The following ANTXR2 variants were observed in gnomAD, a reference collection of about 807,000 sequenced individuals.
ANTXR2 encodes the protein anthrax toxin receptor 2.
In ANTXR2, 44 loss-of-function variants were observed where a neutral mutation model predicts 73.7. The observed-to-expected ratio is 0.60, with a 90% CI of 0.47 to 0.77. ANTXR2 has a LOEUF of 0.77. Among genes scored for constraint, ANTXR2 ranks in the 30% least tolerant of loss-of-function variants. The probability of loss-of-function intolerance (pLI) is 0.00; values close to 1 mark genes in which losing one functional copy is unlikely to be tolerated. For synonymous variants in ANTXR2, 217 were observed against 205.9 expected, an observed-to-expected ratio of 1.05 and a Z score of -0.46; for missense variants, 604 against 592.5, an observed-to-expected ratio of 1.02 and a Z score of -0.20.
At chr4:79,980,850 A>G (rs1729855567) in intron 14 of ANTXR2, among the ~76,000 whole-genome samples, 1 of 151,966 alleles carries the variant, frequency 6.6e-6, no homozygotes, top group Non-Finnish European at 1.5e-5. Context: ...TTAGCTATAA[A>G]AATGTGTTCT....
chr4:79,918,310 A>C (rs1727434702), intron 16 of ANTXR2, among the ~76,000 whole-genome samples: 1 of 152,082 alleles, frequency 6.6e-6, no homozygotes, highest in African/African-American at 2.4e-5. Context: ...AAATGCTCAG[A>C]ACTTCCTAGA....
In ANTXR2 at chr4:79,978,114, C is replaced by A; in HGVS notation, c.1240G>T (p.Ala414Ser). ...GTTTCTTCAGGAATCTTCACCACAG[C>A]ATTTTTGGCTTTCTCTAGCCTTGCA... ...EGARLEKAKN[A>S]VVKIPEETEE... Residue 414 changes from alanine (A) to serine (S), a missense_variant, in exon 15 of 17, where the codon GCT becomes TCT. Transcript: ENST00000403729. 1 of 1,613,924 alleles carries A rather than the reference C, an allele frequency of 6.2e-7. No homozygotes were observed. Among genetic ancestry groups the A allele is most frequent in the Non-Finnish European group, 8.5e-7 (1 of 1,179,864 alleles).
At chr4:80,014,528 T>A (rs1423810711) in intron 11 of ANTXR2, among the ~76,000 whole-genome samples, 1 of 152,088 alleles carries the variant, frequency 6.6e-6, no homozygotes, top group Non-Finnish European at 1.5e-5. Flanking sequence ...CTGGCGTCAC[T>A]GCACTCCAGC....
intron 12 of ANTXR2, among the ~76,000 whole-genome samples, chr4:79,987,972 T>C (rs1329386251): frequency 6.6e-6 from 1 of 151,984 alleles, no homozygotes; most frequent in Non-Finnish European, 1.5e-5. Context: ...AAGGGAGCAC[T>C]AAACATGGAA....
At position 79,907,327 on chromosome 4, in the gene ANTXR2, T is replaced by C; in HGVS notation, c.*102A>G. On this transcript the variant is annotated 3_prime_UTR_variant, in exon 17 of 17. Transcript: ENST00000403729. Reference sequence around the variant, plus strand: ...CGACTGAGAGGAATTAAGCTGCTCTTCCAAAAGCTTCTGAAATGCACTTGA... The same window carrying C: ...CGACTGAGAGGAATTAAGCTGCTCTCCCAAAAGCTTCTGAAATGCACTTGA... The C allele has an allele frequency of 1.5e-6, 2 of 1,299,972 alleles. No homozygotes were observed. The highest frequency in any genetic ancestry group is 2.2e-6 in the Non-Finnish European group (2 of 907,706). The allele number at this position is 1,299,972 out of a possible 1,614,324, so 80.5% of individuals were successfully genotyped here.
At chr4:80,022,166 C>T (rs918393975) in intron 10 of ANTXR2, among the ~76,000 whole-genome samples, 6 of 152,180 alleles carry the variant, frequency 3.9e-5, no homozygotes, top group African/African-American at 1.2e-4. Flanking sequence ...AAATTTCTCT[C>T]ATTAGTATGA....
At chr4:79,915,994 C>T (rs570481235) in intron 16 of ANTXR2, among the ~76,000 whole-genome samples, 20 of 151,932 alleles carry the variant, frequency 1.3e-4, no homozygotes, top group Non-Finnish European at 2.5e-4. Context: ...TCCAATTTTA[C>T]AGTAGAGACC....
At position 80,043,701 on chromosome 4, in the gene ANTXR2, T is replaced by C. The variant is rs138510045; in HGVS notation, c.637-7669A>G. The stretch of plus-strand genomic sequence containing the variant: ...CTGTTTATGTATCCCTCTGGGTTTG[T>C]TTTCAGTTAGCAGCAAGTCCAGATC... On this transcript the variant is annotated intron_variant, in intron 7 of 16. Transcript: ENST00000403729. 1.2e-3 allele frequency among the ~76,000 whole-genome samples: 182 copies of C among 152,088 alleles called. 1 individual carries two copies. Among genetic ancestry groups the C allele is most frequent in the African/African-American group, 4.4e-3 (181 of 41,530 alleles).
intron 16 of ANTXR2, among the ~76,000 whole-genome samples, chr4:79,962,108 T>C (rs774108161): frequency 1.8e-4 from 27 of 152,204 alleles, no homozygotes; most frequent in Non-Finnish European, 3.5e-4. Flanking sequence ...TGCCAACTTA[T>C]ATACCTAATT....
In ANTXR2 at chr4:80,055,426, G is replaced by A; in HGVS notation, c.420C>T (p.Ser140=). 6.2e-7 allele frequency: 1 copy of A among 1,610,944 alleles called. No individual in the cohort carries two copies. The highest frequency in any genetic ancestry group is 2.2e-5 in the East Asian group (1 of 44,794). ...QIQKAGGLKT[S]SIIIALTDGK... ...CATCTGTCAGAGCAATTATGATACT[G>A]GAGGTTTTCAAGCCTCCTGCTTTCT... The change falls in exon 5 of 17, where the codon TCC becomes TCT. Residue 140 remains serine (S), a synonymous_variant. Transcript: ENST00000403729.
At chr4:79,952,094 AT>A (rs35920941) in intron 16 of ANTXR2, among the ~76,000 whole-genome samples, 82,816 of 151,122 alleles carry the variant, frequency 0.55, 25,704 homozygotes, top group East Asian at 0.96. Context: ...ATTCTAGCAA[AT>A]TTTTTTAAAC....
intron 12 of ANTXR2, among the ~76,000 whole-genome samples, chr4:80,001,897 G>C (rs1056052107): frequency 6.6e-6 from 1 of 150,872 alleles, no homozygotes; most frequent in African/African-American, 2.4e-5. Context: ...TTTTCCATTT[G>C]CTTGGTAGAT....
intron 12 of ANTXR2, among the ~76,000 whole-genome samples, chr4:79,985,476 A>T (rs1390540534): frequency 6.6e-6 from 1 of 152,246 alleles, no homozygotes; most frequent in African/African-American, 2.4e-5. Context: ...ACTGTTGAGG[A>T]ACACTGCTGT....
chr4:79,986,186 A>C (rs1413638894), intron 12 of ANTXR2, among the ~76,000 whole-genome samples: 1 of 152,088 alleles, frequency 6.6e-6, no homozygotes, highest in Non-Finnish European at 1.5e-5. Flanking sequence ...GGATATTCAC[A>C]CCATCGTGAT....
chr4:79,933,695 T>C (rs1728144424), intron 16 of ANTXR2, among the ~76,000 whole-genome samples: 1 of 125,506 alleles, frequency 8.0e-6, no homozygotes, highest in African/African-American at 3.0e-5. Flanking sequence ...ATGCTATCCC[T>C]CCACCCTCCC....
At chr4:80,017,282 C>T (rs1349023114) in intron 11 of ANTXR2, among the ~76,000 whole-genome samples, 3 of 152,198 alleles carry the variant, frequency 2.0e-5, no homozygotes, top group Admixed American at 2.0e-4. Context: ...TCTAGCTGCT[C>T]CCTCTGTGTG....
intron 12 of ANTXR2, among the ~76,000 whole-genome samples, chr4:79,985,445 C>T (rs1730100465): frequency 6.6e-6 from 1 of 151,958 alleles, no homozygotes; most frequent in Non-Finnish European, 1.5e-5. Flanking sequence ...CTTAATTTTC[C>T]CTGACATCCG....
At chr4:80,049,126 T>A (rs1273046586) in intron 7 of ANTXR2, among the ~76,000 whole-genome samples, 1 of 151,134 alleles carries the variant, frequency 6.6e-6, no homozygotes, top group African/African-American at 2.4e-5. Context: ...GAGGTATTCT[T>A]AAAAAAAATG....
At chr4:80,037,517 C>T (rs1339384522) in intron 7 of ANTXR2, among the ~76,000 whole-genome samples, 2 of 152,130 alleles carry the variant, frequency 1.3e-5, no homozygotes, top group Non-Finnish European at 2.9e-5. Flanking sequence ...TGAGAAACTG[C>T]AGATGAGGCC....
Sources: gnomAD v4.1 joint callset for allele counts (sites outside exome capture counted in the v4.1 genomes callset) on GRCh38, gnomAD v4.1.1 for gene constraint, MANE v1.5 for transcripts, NCBI Gene and HGNC (gene_info 2026-07-23, HGNC 2026-07-21) for gene names.